The following TESC variants were observed in gnomAD, a reference collection of about 807,000 sequenced individuals.
TESC encodes tescalcin, also known as calcineurin B homologous protein 3.
A neutral mutation model predicts 31.0 loss-of-function variants in TESC; 19 were observed. The observed-to-expected ratio is 0.61, with a 90% CI of 0.43 to 0.90. TESC has a LOEUF of 0.90. Ranked by LOEUF, TESC falls within the 40% of genes least tolerant of loss-of-function variation. The probability of loss-of-function intolerance (pLI) is 0.00; values close to 1 mark genes in which losing one functional copy is unlikely to be tolerated. For missense variants in TESC, 248 were observed against 303.8 expected (o/e 0.82, Z 1.36); for synonymous variants, 109 against 114.8 (o/e 0.95, Z 0.32).
At chr12:117,098,732 C>A (rs1278454586) in intron 1 of TESC, 2 of 152,598 alleles carry the variant, frequency 1.3e-5, no homozygotes, top group Non-Finnish European at 2.9e-5. Flanking sequence ...GATGCGAGGA[C>A]GAAAGCAGGC....
At position 117,042,007 on chromosome 12, in the gene TESC, G is replaced by A. The variant is rs1425154583; in HGVS notation, c.520-13C>T. ...CCTGATCAGGCTCCTGGGGACGGAAGCACAGGGTGGACAGTGAGTGGCGCA... is the reference window on the plus strand; with the variant it reads ...CCTGATCAGGCTCCTGGGGACGGAAACACAGGGTGGACAGTGAGTGGCGCA... On this transcript the variant is annotated splice_polypyrimidine_tract_variant and intron_variant, in intron 6 of 7. Transcript: ENST00000335209. 6.3e-7 allele frequency: 1 copy of A among 1,590,024 alleles called. No homozygotes were observed. Among genetic ancestry groups the A allele is most frequent in the South Asian group, 1.1e-5 (1 of 87,006 alleles).
chr12:117,071,987 T>C (rs752855395), intron 2 of TESC, among the ~76,000 whole-genome samples: 2 of 152,194 alleles, frequency 1.3e-5, no homozygotes, highest in Non-Finnish European at 2.9e-5. Flanking sequence ...TCCCAGGTGA[T>C]TCGAGCACAG....
At chr12:117,093,231 A>G (rs966592785) in intron 1 of TESC, among the ~76,000 whole-genome samples, 4 of 152,164 alleles carry the variant, frequency 2.6e-5, no homozygotes, top group African/African-American at 7.2e-5. Flanking sequence ...GAATATGGCA[A>G]TTGGTGAATG....
intron 1 of TESC, among the ~76,000 whole-genome samples, chr12:117,092,430 GC>G (rs1955325523): frequency 6.6e-6 from 1 of 152,262 alleles, no homozygotes; most frequent in Non-Finnish European, 1.5e-5. Flanking sequence ...CCTGTGGGAA[GC>G]TTCCACAGCG....
At chr12:117,079,821 A>AT (rs1955122174) in intron 1 of TESC, among the ~76,000 whole-genome samples, 1 of 152,214 alleles carries the variant, frequency 6.6e-6, no homozygotes, top group Non-Finnish European at 1.5e-5. Context: ...TGATGGTTGC[A>AT]TAACCCTGTG....
At chr12:117,070,346 G>A (rs1473911506) in intron 2 of TESC, among the ~76,000 whole-genome samples, 2 of 152,192 alleles carry the variant, frequency 1.3e-5, no homozygotes, top group African/African-American at 4.8e-5. Flanking sequence ...AGGCAAAGCA[G>A]TTCTGGGAGG....
intron 2 of TESC, among the ~76,000 whole-genome samples, chr12:117,070,216 C>T (rs137956965): frequency 9.5e-4 from 145 of 152,330 alleles, no homozygotes; most frequent in South Asian, 4.3e-3. Context: ...GAGGGGACAG[C>T]ACTGGGGATC....
chr12:117,071,289 G>A (rs915414036), intron 2 of TESC, among the ~76,000 whole-genome samples: 5 of 152,196 alleles, frequency 3.3e-5, no homozygotes, highest in African/African-American at 1.2e-4. Context: ...CTGTGTTACA[G>A]GCCCTGGACT....
At chr12:117,058,260 A>C (rs1296285909) in intron 2 of TESC, among the ~76,000 whole-genome samples, 1 of 152,090 alleles carries the variant, frequency 6.6e-6, no homozygotes, top group Non-Finnish European at 1.5e-5. Flanking sequence ...AACAAAAAAA[A>C]CCCATTATGC....
chr12:117,059,209 G>T (rs925466594), intron 2 of TESC, among the ~76,000 whole-genome samples: 1 of 152,246 alleles, frequency 6.6e-6, no homozygotes, highest in Non-Finnish European at 1.5e-5. Context: ...ACGCCGTTTG[G>T]GTTGGAAGAT....
chr12:117,043,855 C>G (rs1158944142), intron 6 of TESC, among the ~76,000 whole-genome samples: 1 of 152,178 alleles, frequency 6.6e-6, no homozygotes, highest in Non-Finnish European at 1.5e-5. Context: ...ACAGAGGGAG[C>G]TGCCTGTCCA....
At chr12:117,056,705 T>C in intron 3 of TESC, 101 bp downstream of exon 3, 2 of 1,331,700 alleles carry the variant, frequency 1.5e-6, no homozygotes, top group Non-Finnish European at 2.2e-6. Context: ...CCCCCTCTTC[T>C]GGGCATCAGC....
chr12:117,042,153 G>C (rs148785537), intron 6 of TESC, among the ~76,000 whole-genome samples, 159 bp from the exon 7 acceptor site: 1 of 152,164 alleles, frequency 6.6e-6, no homozygotes, highest in South Asian at 2.1e-4. Context: ...GTTCTGGATC[G>C]TCTGCCTCCA....
chr12:117,068,212 A>G (rs2135776619), intron 2 of TESC, among the ~76,000 whole-genome samples: 1 of 152,214 alleles, frequency 6.6e-6, no homozygotes, highest in Non-Finnish European at 1.5e-5. Context: ...GGTAACTTCA[A>G]AAAATGACAG....
At chr12:117,042,553 G>A (rs1209459171) in intron 6 of TESC, among the ~76,000 whole-genome samples, 1 of 147,168 alleles carries the variant, frequency 6.8e-6, no homozygotes, top group East Asian at 2.0e-4. Context: ...GAGTCACCGT[G>A]ATAACTCAGG....
At chr12:117,071,440 C>A (rs1265646893) in intron 2 of TESC, among the ~76,000 whole-genome samples, 1 of 147,728 alleles carries the variant, frequency 6.8e-6, no homozygotes, top group East Asian at 1.9e-4. Flanking sequence ...AGGCTGTGGG[C>A]CTTCACGGGG....
intron 2 of TESC, 97 bp from the exon 3 acceptor site, chr12:117,056,983 C>T: frequency 1.7e-6 from 2 of 1,147,454 alleles, no homozygotes; most frequent in Admixed American, 1.9e-5. Context: ...ATTTTGGATC[C>T]CTAACAGGCC....
At chr12:117,097,099 C>T (rs1373903221) in intron 1 of TESC, among the ~76,000 whole-genome samples, 1 of 152,162 alleles carries the variant, frequency 6.6e-6, no homozygotes, top group Non-Finnish European at 1.5e-5. Flanking sequence ...ATCCCCAGCC[C>T]CTGGTCTATA....
chr12:117,057,520 C>A (rs1432007995), intron 2 of TESC, among the ~76,000 whole-genome samples: 1 of 152,194 alleles, frequency 6.6e-6, no homozygotes, highest in Non-Finnish European at 1.5e-5. Context: ...CCTCAAATCC[C>A]TAGGTCAGTA....
Sources: allele counts gnomAD v4.1 joint callset (sites outside exome capture counted in the v4.1 genomes callset), GRCh38; gene constraint gnomAD v4.1.1; transcripts MANE v1.5; gene names NCBI Gene and HGNC (gene_info 2026-07-23, HGNC 2026-07-21).